PPARGC1A: variants seen among roughly 807,000 people sequenced by gnomAD.
The protein encoded by PPARGC1A is peroxisome proliferator-activated receptor gamma coactivator 1-alpha.
Under a neutral mutation model 88.7 loss-of-function variants are expected in PPARGC1A, and 25 were observed. The observed-to-expected ratio is 0.28, with a 90% confidence interval of 0.21 to 0.39. PPARGC1A has a LOEUF of 0.39. Among genes scored for constraint, PPARGC1A ranks in the 10% least tolerant of loss-of-function variants. The pLI, the probability that PPARGC1A is intolerant of heterozygous loss-of-function variation, is 1.00. For missense variants in PPARGC1A, 880 were observed against 968.7 expected (o/e 0.91, Z 1.22); for synonymous variants, 363 against 355.6 (o/e 1.02, Z -0.24).
chr4:24,096,953 G>A, the PPARGC1A span, among the ~76,000 whole-genome samples: 1 of 152,076 alleles, frequency 6.6e-6, no homozygotes, highest in Non-Finnish European at 1.5e-5. Context: ...GTTAAGCCAG[G>A]CACAGTGACT....
At chr4:23,817,255 C>T (rs1420707013) in intron 7 of PPARGC1A, among the ~76,000 whole-genome samples, 2 of 152,036 alleles carry the variant, frequency 1.3e-5, no homozygotes, top group Non-Finnish European at 2.9e-5. Context: ...TGTCCTAGTA[C>T]CCAAGCTCAT....
chr4:23,801,813 G>A lies in PPARGC1A; in HGVS notation c.2210C>T (p.Thr737Ile), dbSNP rs943508392. 1 of 1,614,016 alleles carries A rather than the reference G, an allele frequency of 6.2e-7. No homozygotes were observed. The highest frequency in any genetic ancestry group is 2.2e-5 in the East Asian group (1 of 44,802). The change falls in exon 12 of 13, where the codon ACT becomes ATT. Residue 737 changes from threonine (T) to isoleucine (I), a missense_variant. Physicochemically the swap from Thr to Ile is moderately conservative, Grantham distance 89. Transcript: ENST00000264867. ...DAFAALENGY[T>I]LRRSNETDFE... ...GTCAGTTTCGTTTGACCTGCGCAAAGTGTATCCATTTTCAAGAGCAGCAAA... is the reference window on the plus strand; with the variant it reads ...GTCAGTTTCGTTTGACCTGCGCAAAATGTATCCATTTTCAAGAGCAGCAAA...
chr4:24,063,995 A>T, the PPARGC1A span, among the ~76,000 whole-genome samples: 3 of 151,834 alleles, frequency 2.0e-5, no homozygotes, highest in Non-Finnish European at 4.4e-5. Context: ...TGTGTTCGAG[A>T]CTCTGGAGTG....
chr4:24,252,127 A>G, the PPARGC1A span, among the ~76,000 whole-genome samples: 4 of 152,308 alleles, frequency 2.6e-5, no homozygotes, highest in Non-Finnish European at 5.9e-5. Context: ...GTTACATTCT[A>G]TGAAACTGAA....
chr4:23,824,215 C>T, intron 7 of PPARGC1A, 65 bp downstream of exon 7: 2 of 1,371,764 alleles, frequency 1.5e-6, no homozygotes. Flanking sequence ...ACTCTGTTAT[C>T]TTATTACACA....
At chr4:24,235,628 C>T in the PPARGC1A span, among the ~76,000 whole-genome samples, 1 of 152,078 alleles carries the variant, frequency 6.6e-6, no homozygotes, top group Non-Finnish European at 1.5e-5. Context: ...CCAGAGCCAC[C>T]AAATCAATAA....
At chr4:24,261,873 ATTCTC>A in the PPARGC1A span, among the ~76,000 whole-genome samples, 1 of 152,190 alleles carries the variant, frequency 6.6e-6, no homozygotes. Flanking sequence ...GCTTCAGTTT[ATTCTC>A]TGAATACAAT....
upstream of PPARGC1A, among the ~76,000 whole-genome samples, chr4:23,893,529 T>C (rs1238684188): frequency 6.6e-6 from 1 of 152,204 alleles, no homozygotes; most frequent in East Asian, 1.9e-4. Context: ...AGACTGCTGC[T>C]TCTTTCAGAT....
the PPARGC1A span, among the ~76,000 whole-genome samples, chr4:24,147,959 AC>A: frequency 0.013 from 1,900 of 151,968 alleles, 41 homozygotes; most frequent in African/African-American, 0.043. Context: ...AAACAAACAA[AC>A]AAAAAAAATA....
intron 5 of PPARGC1A, among the ~76,000 whole-genome samples, chr4:23,827,269 C>A (rs1297528837): frequency 6.6e-6 from 1 of 151,976 alleles, no homozygotes; most frequent in African/African-American, 2.4e-5. Context: ...TGGGCTAATA[C>A]TGAGGTAGTG....
chr4:24,357,489 G>A, the PPARGC1A span, among the ~76,000 whole-genome samples: 1 of 152,196 alleles, frequency 6.6e-6, no homozygotes, highest in Non-Finnish European at 1.5e-5. Flanking sequence ...TTTCCTGCCT[G>A]TTTTGCTTCT....
chr4:24,230,945 T>C, the PPARGC1A span, among the ~76,000 whole-genome samples: 1 of 110,712 alleles, frequency 9.0e-6, no homozygotes, highest in Non-Finnish European at 1.9e-5. Flanking sequence ...GATCACAGAA[T>C]TTATTAAAAA....
At chr4:23,966,609 T>C in the PPARGC1A span, among the ~76,000 whole-genome samples, 1 of 152,224 alleles carries the variant, frequency 6.6e-6, no homozygotes, top group Non-Finnish European at 1.5e-5. Flanking sequence ...AGTGACCCAC[T>C]GGAGTAGTTC....
intron 2 of PPARGC1A, among the ~76,000 whole-genome samples, chr4:23,844,872 A>ATTATAATATATGATATATAT (rs1560429950): frequency 0.011 from 868 of 81,988 alleles, 25 homozygotes; most frequent in Middle Eastern, 0.019. Context: ...GATATATATT[A>ATTATAATATATGATATATAT]TATACACACA....
chr4:23,826,445 C>A (rs1723946694), intron 5 of PPARGC1A, among the ~76,000 whole-genome samples: 1 of 152,110 alleles, frequency 6.6e-6, no homozygotes, highest in Non-Finnish European at 1.5e-5. Flanking sequence ...CATCAACACA[C>A]AACCATGGCT....
the PPARGC1A span, among the ~76,000 whole-genome samples, chr4:24,253,712 G>C: frequency 0.011 from 1,623 of 148,084 alleles, 15 homozygotes; most frequent in South Asian, 0.042. Context: ...CTTTACGTTT[G>C]TCACCATACA....
At chr4:23,827,701 T>G (rs912114147) in intron 5 of PPARGC1A, among the ~76,000 whole-genome samples, 4 of 152,180 alleles carry the variant, frequency 2.6e-5, no homozygotes, top group Admixed American at 6.5e-5. Flanking sequence ...TCAACCCAGA[T>G]GTTTAGTTTA....
the PPARGC1A span, among the ~76,000 whole-genome samples, chr4:24,141,647 T>C: frequency 6.6e-6 from 1 of 152,174 alleles, no homozygotes; most frequent in South Asian, 2.1e-4. Flanking sequence ...CATCTCGAAA[T>C]GACCATCGAG....
the PPARGC1A span, among the ~76,000 whole-genome samples, chr4:23,952,035 CTG>C: frequency 4.3e-3 from 655 of 152,208 alleles, 6 homozygotes; most frequent in African/African-American, 0.015. Context: ...CACGGTCACT[CTG>C]TGTGTTCTCT....
Sources: gnomAD v4.1 joint callset for allele counts (sites outside exome capture counted in the v4.1 genomes callset) on GRCh38, gnomAD v4.1.1 for gene constraint, MANE v1.5 for transcripts, NCBI Gene and HGNC (gene_info 2026-07-23, HGNC 2026-07-21) for gene names.